TIAM2: variants seen among roughly 807,000 people sequenced by gnomAD.
TIAM2 encodes the protein TIAM Rac1 associated GEF 2.
Under a neutral mutation model 152.9 loss-of-function variants are expected in TIAM2, and 80 were observed. The ratio of observed to expected loss-of-function variants is 0.52; its 90% CI spans 0.44 to 0.63. The LOEUF (loss-of-function observed/expected upper bound fraction) is 0.63. Ranked by LOEUF, TIAM2 falls within the 30% of genes least tolerant of loss-of-function variation. The pLI, the probability that TIAM2 is intolerant of heterozygous loss-of-function variation, is 0.00. For missense variants in TIAM2, 1,965 were observed against 2,120.1 expected, an observed-to-expected ratio of 0.93 and a Z score of 1.44; for synonymous variants, 804 against 838.0, an observed-to-expected ratio of 0.96 and a Z score of 0.70.
intron 14 of TIAM2, among the ~76,000 whole-genome samples, chr6:155,188,985 G>C: frequency 6.6e-6 from 1 of 152,094 alleles, no homozygotes; most frequent in Non-Finnish European, 1.5e-5. Flanking sequence ...TAGCCTCCAC[G>C]CCCCCTTTGA....
At chr6:155,240,776 G>T (rs1220244059) in intron 16 of TIAM2, 67 bp downstream of exon 16, 18 of 1,524,454 alleles carry the variant, frequency 1.2e-5, no homozygotes. Context: ...TGCTGGCAGA[G>T]GTCCCCAGAT....
At chr6:155,249,211 G>C (rs1031688420) in intron 20 of TIAM2, among the ~76,000 whole-genome samples, 1 of 152,106 alleles carries the variant, frequency 6.6e-6, no homozygotes, top group African/African-American at 2.4e-5. Flanking sequence ...TTGCTTTTTG[G>C]CTTTTATAAA....
At chr6:155,106,411 T>C (rs938278896) in intron 2 of TIAM2, among the ~76,000 whole-genome samples, 3 of 152,202 alleles carry the variant, frequency 2.0e-5, no homozygotes, top group Non-Finnish European at 2.9e-5. Flanking sequence ...GATAATTTAA[T>C]GGTTCATTTT....
At chr6:155,009,290 T>C (rs1450305365) in intron 1 of TIAM2, among the ~76,000 whole-genome samples, 1 of 151,358 alleles carries the variant, frequency 6.6e-6, no homozygotes, top group African/African-American at 2.4e-5. Context: ...TTAGTAGAGA[T>C]AGAGCTTCAC....
intron 5 of TIAM2, among the ~76,000 whole-genome samples, chr6:155,139,589 A>C (rs1239344232): frequency 6.6e-6 from 1 of 152,208 alleles, no homozygotes; most frequent in Non-Finnish European, 1.5e-5. Context: ...GTTCTGCTTT[A>C]AGGTTTAAAA....
chr6:155,034,943 T>C (rs1267289627), intron 1 of TIAM2, among the ~76,000 whole-genome samples: 1 of 152,180 alleles, frequency 6.6e-6, no homozygotes, highest in African/African-American at 2.4e-5. Flanking sequence ...TGAATTAATA[T>C]TTTTTAATGT....
chr6:155,106,792 A>G (rs945423810), intron 2 of TIAM2, among the ~76,000 whole-genome samples: 1 of 152,354 alleles, frequency 6.6e-6, no homozygotes, highest in East Asian at 1.9e-4. Flanking sequence ...TGCAGGCCCA[A>G]CAACAGCCCA....
intron 2 of TIAM2, among the ~76,000 whole-genome samples, chr6:155,098,205 T>C (rs2114989115): frequency 6.6e-6 from 1 of 152,302 alleles, no homozygotes; most frequent in African/African-American, 2.4e-5. Context: ...TTCCTATTTT[T>C]GTGAGGAATG....
rs1778196665 is a variant in TIAM2, at chr6:154,995,470, C to T, written c.-231C>T. ...GGAGGGCGGCGCGCGACCGGCCCCA[C>T]CGAGCCCGGCGCGCGACCCGAGGTA... On this transcript the variant is annotated 5_prime_UTR_variant, in exon 1 of 27. Transcript: ENST00000682666. The surrounding 1 kb of genome is among the most constrained non-coding windows in gnomAD (Gnocchi z 5.2). The T allele has an allele frequency of 4.0e-5, 6 of 151,118 alleles. No homozygotes were observed. In the South Asian group the frequency reaches 1.2e-3, roughly 31 times the overall value. 9.4% of individuals were successfully genotyped at this position (151,118 alleles called of 1,614,324 possible). A position where few individuals can be genotyped will look rare whatever the true frequency, so the allele number is the denominator to read the frequency against.
At chr6:154,998,480 T>C (rs193023255) in intron 1 of TIAM2, among the ~76,000 whole-genome samples, 1 of 152,312 alleles carries the variant, frequency 6.6e-6, no homozygotes, top group East Asian at 1.9e-4. Flanking sequence ...ATTTGCAAGC[T>C]GAATTGGCTG....
At position 155,004,351 on chromosome 6, in the gene TIAM2, G is replaced by A. The variant is rs922399368; in HGVS notation, c.-209+8859G>A. Among the ~76,000 whole-genome samples, 3 of 152,156 alleles carry A rather than the reference G, an allele frequency of 2.0e-5. No individual in the cohort carries two copies. In the South Asian group the frequency reaches 6.2e-4, roughly 32 times the overall value. ...CCCATACTCTGTATGTAGTAGCCAG[G>A]CTAATCCTTGGAGTTCACCCCAAAT... On this transcript the variant is annotated intron_variant, in intron 1 of 26. Coordinates refer to ENST00000682666, the MANE Select transcript of TIAM2 (RefSeq NM_012454.4).
chr6:155,148,791 A>G (rs529959100), intron 7 of TIAM2, among the ~76,000 whole-genome samples: 2 of 152,332 alleles, frequency 1.3e-5, no homozygotes, highest in African/African-American at 4.8e-5. Flanking sequence ...TGGTTATAAC[A>G]GAGAAGCACG....
At chr6:155,252,123 G>A in intron 23 of TIAM2, 120 bp downstream of exon 23, 1 of 714,998 alleles carries the variant, frequency 1.4e-6, no homozygotes, top group Non-Finnish European at 2.4e-6. Context: ...CTTACTCTGA[G>A]GGTAACTAAC....
chr6:155,232,103 A>ACAAAAAC (rs112387226), intron 15 of TIAM2, among the ~76,000 whole-genome samples: 5 of 151,834 alleles, frequency 3.3e-5, no homozygotes, highest in African/African-American at 9.7e-5. Context: ...AAAAACAAAA[A>ACAAAAAC]AAAACAAAAA....
chr6:155,022,638 G>T (rs1776521772), intron 1 of TIAM2: 1 of 152,206 alleles, frequency 6.6e-6, no homozygotes, highest in South Asian at 2.1e-4. Flanking sequence ...TCTGATACGG[G>T]TATTTAATGC....
intron 1 of TIAM2, among the ~76,000 whole-genome samples, chr6:155,029,749 T>TAG (rs1321678409): frequency 2.1e-5 from 3 of 143,962 alleles, no homozygotes; most frequent in Non-Finnish European, 3.0e-5. Flanking sequence ...TAACTATATA[T>TAG]ATATATATGT....
chr6:155,195,077 C>T (rs1336421902), intron 14 of TIAM2, among the ~76,000 whole-genome samples: 1 of 152,192 alleles, frequency 6.6e-6, no homozygotes, highest in African/African-American at 2.4e-5. Flanking sequence ...ATCTATTACC[C>T]AGTCTCAGGT....
intron 1 of TIAM2, among the ~76,000 whole-genome samples, chr6:155,003,517 C>T (rs540590211): frequency 1.4e-4 from 22 of 152,282 alleles, no homozygotes; most frequent in African/African-American, 5.3e-4. Context: ...ATTTTCACAG[C>T]CTCCCTGGCC....
rs572246476 is a variant in TIAM2 at position 155,156,578 on chromosome 6, A to T, written c.2029-7837A>T. Among the ~76,000 whole-genome samples the T allele has an allele frequency of 2.0e-5, 3 of 152,262 alleles. No homozygotes were observed. The East Asian group carries it at 5.8e-4, about 29-fold the overall frequency. ...GAGGCTGAGGCAGGAGAATCGCTTG[A>T]ACCCAGGAAGCAGAGGTTTCCATGA... On this transcript the variant is annotated intron_variant, in intron 7 of 26. Transcript: ENST00000682666. The surrounding 1 kb of genome is among the most constrained non-coding windows in gnomAD (Gnocchi z 4.4).
Sources: gnomAD v4.1 joint callset for allele counts (sites outside exome capture counted in the v4.1 genomes callset) on GRCh38, gnomAD v4.1.1 for gene constraint, Gnocchi (gnomAD v3.1) non-coding constraint, MANE v1.5 for transcripts, NCBI Gene and HGNC (gene_info 2026-07-23, HGNC 2026-07-21) for gene names.